The following NBPF8 variants were observed in gnomAD, a reference collection of about 807,000 sequenced individuals.
The protein encoded by NBPF8 is NBPF family member NBPF8.
exon 25 of NBPF8, chr1:120,466,139 T>A: frequency 6.2e-7 from 1 of 1,610,546 alleles, no homozygotes; most frequent in South Asian, 1.1e-5. Context: ...AGCTTTGCCC[T>A]TGACATGGAC....
At chr1:120,452,174 G>T (rs1553248962) in exon 13 of NBPF8, 8 of 1,600,112 alleles carry the variant, frequency 5.0e-6, no homozygotes, top group Non-Finnish European at 6.0e-6. Flanking sequence ...TAAGGGAGAA[G>T]TTGCGGGAAG....
upstream of NBPF8, among the ~76,000 whole-genome samples, chr1:120,431,584 C>A (rs1660881106): frequency 6.6e-6 from 1 of 151,188 alleles, no homozygotes; most frequent in African/African-American, 2.4e-5. Flanking sequence ...AATGAGATAC[C>A]ACTACATATC....
chr1:120,434,715 AAGTT>A (rs1661025019), upstream of NBPF8, among the ~76,000 whole-genome samples: 1 of 146,972 alleles, frequency 6.8e-6, no homozygotes, highest in African/African-American at 2.5e-5. Context: ...TTGTTTTAAA[AAGTT>A]AATATTAACC....
chr1:120,431,137 A>G lies in NBPF8; in HGVS notation n.510+3290A>G, dbSNP rs1388075029. On this transcript the variant is annotated intron_variant and non_coding_transcript_variant, in intron 3 of 28. Coordinates refer to the NBPF8 transcript ENST00000652355. ...CAAGATTATGTGTTTTGTTGAAAAA[A>G]AAAATGGAATATATATCAGTGGAAG... is the stretch of plus-strand genomic sequence containing the variant. 2.7e-5 allele frequency among the ~76,000 whole-genome samples: 4 copies of G among 148,398 alleles called. 1 individual carries two copies.
intron 1 of NBPF8, among the ~76,000 whole-genome samples, chr1:120,421,483 T>C (rs9727633): frequency 0.49 from 71,512 of 146,426 alleles, 18,922 homozygotes; most frequent in African/African-American, 0.69. Flanking sequence ...TTCCTCCCTC[T>C]CTCCCTGCCT....
intron 1 of NBPF8, among the ~76,000 whole-genome samples, chr1:120,420,889 G>A (rs1177844756): frequency 6.8e-6 from 1 of 147,370 alleles, no homozygotes; most frequent in Non-Finnish European, 1.5e-5. Context: ...GAGAGGGGGA[G>A]AAAGAAAGGG....
chr1:120,418,640 T>C (rs1187647363), upstream of NBPF8, among the ~76,000 whole-genome samples: 4 of 129,312 alleles, frequency 3.1e-5, no homozygotes, highest in African/African-American at 1.3e-4. Context: ...AGCCTTGACC[T>C]CTCAGGCTCA....
chr1:120,415,120 G>A (rs76935710), upstream of NBPF8, among the ~76,000 whole-genome samples: 1 of 152,144 alleles, frequency 6.6e-6, no homozygotes, highest in Non-Finnish European at 1.5e-5. Flanking sequence ...GGTAGGTGAG[G>A]GTCGCGAGGC....
chr1:120,455,174 AG>A (rs1661401643), intron 15 of NBPF8, among the ~76,000 whole-genome samples: 2 of 151,882 alleles, frequency 1.3e-5, no homozygotes, highest in African/African-American at 4.8e-5. Flanking sequence ...TGACTCAAGC[AG>A]GGAATATGGC....
chr1:120,435,642 A>G (rs1377054259), upstream of NBPF8, among the ~76,000 whole-genome samples: 492 of 150,310 alleles, frequency 3.3e-3, no homozygotes, highest in Non-Finnish European at 5.4e-3. Flanking sequence ...GGAGATCGAG[A>G]CCATCGTGGC....
intron 17 of NBPF8, 23 bp from the exon 16 acceptor site, chr1:120,460,550 G>A: frequency 1.5e-6 from 2 of 1,357,362 alleles, no homozygotes; most frequent in Admixed American, 3.3e-5. Context: ...AATGTAAGAG[G>A]GCCCATATGA....
chr1:120,416,067 C>G (rs201324156), upstream of NBPF8, among the ~76,000 whole-genome samples: 3 of 152,016 alleles, frequency 2.0e-5, no homozygotes, highest in East Asian at 1.9e-4. Context: ...CTTTCTTTGC[C>G]GAAAGAATGA....
intron 1 of NBPF8, among the ~76,000 whole-genome samples, chr1:120,422,645 C>T (rs1382105203): frequency 1.4e-5 from 2 of 146,200 alleles, no homozygotes; most frequent in Non-Finnish European, 3.0e-5. Flanking sequence ...TGAAAGATGT[C>T]TTGGGTACTT....
rs1295898516 is a variant in NBPF8 at position 120,442,997 on chromosome 1, A to G, written n.1105A>G. 117 of 296,736 alleles carry G rather than the reference A, an allele frequency of 3.9e-4. 30 individuals are homozygous for G. The highest frequency in any genetic ancestry group is 9.9e-4 in the East Asian group (14 of 14,168). 18.4% of individuals were successfully genotyped at this position (296,736 alleles called of 1,614,324 possible). On this transcript the variant is annotated non_coding_transcript_exon_variant, in exon 6 of 25. Transcript: ENST00000583271. ...CAGCAGTTCGTAAACCTCAAAGAGA[A>G]ATGTTTTCTAACTCAACTGGCCGGC...
At chr1:120,449,386 C>A (rs28656276) in exon 11 of NBPF8, 7 of 1,448,198 alleles carry the variant, frequency 4.8e-6, no homozygotes, top group South Asian at 1.1e-5. Flanking sequence ...TCCTGGCCAA[C>A]CGACAGAACA....
At chr1:120,424,730 G>T (rs1475049097) in intron 1 of NBPF8, among the ~76,000 whole-genome samples, 2 of 145,262 alleles carry the variant, frequency 1.4e-5, no homozygotes, top group East Asian at 2.0e-4. Flanking sequence ...TTACAGACAC[G>T]AGCCACGGCC....
exon 23 of NBPF8, chr1:120,464,468 A>T: frequency 4.2e-6 from 4 of 949,912 alleles, no homozygotes; most frequent in Non-Finnish European, 6.9e-6. Context: ...TGTCTTGAAC[A>T]GCCTGACTCC....
At chr1:120,450,100 G>A (rs1661220816) in intron 11 of NBPF8, among the ~76,000 whole-genome samples, 2 of 152,068 alleles carry the variant, frequency 1.3e-5, no homozygotes, top group Non-Finnish European at 2.9e-5. Context: ...GGTGGCAGGT[G>A]ACTGTAATCA....
At chr1:120,419,253 T>G (rs1228730203), upstream of NBPF8, among the ~76,000 whole-genome samples, 1 of 152,220 alleles carries the variant, frequency 6.6e-6, no homozygotes, top group Admixed American at 6.5e-5. Flanking sequence ...GCTAAGATTT[T>G]GGGGCTTTTG....
Sources: gnomAD v4.1 joint callset for allele counts (sites outside exome capture counted in the v4.1 genomes callset) on GRCh38, gnomAD v4.1.1 for gene constraint, MANE v1.5 for transcripts, NCBI Gene and HGNC (gene_info 2026-07-23, HGNC 2026-07-21) for gene names.